Variants in KCNIP4 observed in about 807,000 individuals in gnomAD.
KCNIP4 encodes Kv channel-interacting protein 4.
KCNIP4 carries 12 observed loss-of-function variants against 34.0 expected under a neutral mutation model. The ratio of observed to expected loss-of-function variants is 0.35; its 90% confidence interval spans 0.23 to 0.57. KCNIP4 has a LOEUF of 0.57. KCNIP4 is among the 20% of genes least tolerant of loss of function. The pLI is 0.83. For missense variants in KCNIP4, 238 were observed against 311.7 expected, an observed-to-expected ratio of 0.76 and a Z score of 1.78; for synonymous variants, 124 against 102.2, an observed-to-expected ratio of 1.21 and a Z score of -1.29.
chr4:21,263,808 A>G (rs1761621990), intron 1 of KCNIP4, among the ~76,000 whole-genome samples: 1 of 152,092 alleles, frequency 6.6e-6, no homozygotes, highest in Non-Finnish European at 1.5e-5. Context: ...GGCATGCACC[A>G]CCATGCCTGA....
chr4:21,891,211 T>C (rs1372561586), intron 1 of KCNIP4, among the ~76,000 whole-genome samples: 5 of 152,088 alleles, frequency 3.3e-5, no homozygotes, highest in Admixed American at 2.0e-4. Context: ...AGACTCCCCA[T>C]AGGGTCTAAG....
In KCNIP4 at chr4:21,056,636, T is replaced by C. The variant is rs1280831332; in HGVS notation, c.62-173927A>G. On this transcript the variant is annotated intron_variant, in intron 1 of 8. Coordinates refer to ENST00000382152, the MANE Select transcript of KCNIP4 (RefSeq NM_025221.6). ...GATTAGACCACAGAGCAAGACTCTT[T>C]CCATGCTTTGTAACTCACCGTAAGT... is the stretch of plus-strand genomic sequence containing the variant. 2.8e-4 allele frequency among the ~76,000 whole-genome samples: 43 copies of C among 152,164 alleles called. 1 individual carries two copies. The highest frequency in any genetic ancestry group is 2.9e-5 in the Non-Finnish European group (2 of 68,020).
At chr4:21,043,340 G>A (rs894945896) in intron 1 of KCNIP4, among the ~76,000 whole-genome samples, 6 of 151,952 alleles carry the variant, frequency 3.9e-5, no homozygotes, top group Non-Finnish European at 8.8e-5. Flanking sequence ...CTGTTTGTTT[G>A]TTTGTTTGAG....
At chr4:21,140,310 G>A (rs959946561) in intron 1 of KCNIP4, among the ~76,000 whole-genome samples, 2 of 151,968 alleles carry the variant, frequency 1.3e-5, no homozygotes, top group Non-Finnish European at 2.9e-5. Context: ...AGAATATTGA[G>A]AAGAACAAAA....
intron 1 of KCNIP4, among the ~76,000 whole-genome samples, chr4:21,342,836 T>C (rs1005117965): frequency 7.9e-5 from 12 of 152,098 alleles, no homozygotes; most frequent in African/African-American, 2.9e-4. Context: ...AAGTCCTCCC[T>C]AAATGTCAAT....
intron 1 of KCNIP4, among the ~76,000 whole-genome samples, chr4:21,797,557 C>T (rs1720705746): frequency 6.6e-6 from 1 of 152,046 alleles, no homozygotes; most frequent in South Asian, 2.1e-4. Flanking sequence ...AAAAAGGTCT[C>T]AATTTTATTT....
chr4:20,955,141 G>T (rs1733163734), intron 1 of KCNIP4, among the ~76,000 whole-genome samples: 1 of 152,190 alleles, frequency 6.6e-6, no homozygotes, highest in South Asian at 2.1e-4. Context: ...CAGAGGTCTG[G>T]TGGCTGGGGG....
chr4:21,268,897 G>A (rs1343393013), intron 1 of KCNIP4, among the ~76,000 whole-genome samples: 3 of 152,234 alleles, frequency 2.0e-5, no homozygotes, highest in African/African-American at 2.4e-5. Context: ...AGGCTAAGGT[G>A]CATGTGGGGT....
rs1020209883 is a variant in KCNIP4 at position 21,810,711 on chromosome 4, A to G, written c.61+137860T>C. ...TCTCAAAAAAAAAAAAAAAAAAAAA[A>G]AAAATCAGAGAGAATTTTTCCTAGT... On this transcript the variant is annotated intron_variant, in intron 1 of 8. Coordinates refer to ENST00000382152, the MANE Select transcript of KCNIP4 (RefSeq NM_025221.6). Among the ~76,000 whole-genome samples, 7 of 121,554 alleles carry G rather than the reference A, an allele frequency of 5.8e-5. 1 individual carries two copies. The highest frequency in any genetic ancestry group is 1.9e-4 in the African/African-American group (7 of 35,980). 79.7% of individuals were successfully genotyped at this position (121,554 alleles called of 152,430 possible). A position where few individuals can be genotyped will look rare whatever the true frequency, so the allele number is the denominator to read the frequency against.
chr4:20,955,220 C>T (rs1214055490), intron 1 of KCNIP4, among the ~76,000 whole-genome samples: 6 of 152,092 alleles, frequency 3.9e-5, no homozygotes, highest in Non-Finnish European at 7.4e-5. Flanking sequence ...GCCACTTAAA[C>T]TGTGGTAATA....
intron 1 of KCNIP4, among the ~76,000 whole-genome samples, chr4:21,368,720 C>A (rs1720044340): frequency 6.8e-6 from 1 of 147,270 alleles, no homozygotes; most frequent in Non-Finnish European, 1.5e-5. Flanking sequence ...CAGAGGGGAG[C>A]CTCATATAGT....
intron 1 of KCNIP4, among the ~76,000 whole-genome samples, chr4:21,144,017 T>C (rs573411252): frequency 6.6e-6 from 1 of 152,284 alleles, no homozygotes; most frequent in South Asian, 2.1e-4. Flanking sequence ...CCAGAGTTCT[T>C]ATTCTGTGAA....
At chr4:21,124,695 C>T (rs1476458815) in intron 1 of KCNIP4, among the ~76,000 whole-genome samples, 1 of 152,128 alleles carries the variant, frequency 6.6e-6, no homozygotes, top group Non-Finnish European at 1.5e-5. Context: ...TAAAAAGGTA[C>T]AGACTCCTAG....
chr4:21,763,071 C>T (rs1268121260), intron 1 of KCNIP4: 10 of 1,288,648 alleles, frequency 7.8e-6, no homozygotes, highest in African/African-American at 3.0e-5. Flanking sequence ...GCCTAATTTC[C>T]TCGTCAGGAC....
intron 3 of KCNIP4, among the ~76,000 whole-genome samples, chr4:20,839,829 G>A (rs1719509163): frequency 6.6e-6 from 1 of 151,880 alleles, no homozygotes; most frequent in Non-Finnish European, 1.5e-5. Context: ...CTTGCCCAAG[G>A]GTAACCAGAA....
rs542521686 is a variant in KCNIP4, at chr4:21,710,366, T to C, written c.61+238205A>G. Among the ~76,000 whole-genome samples the C allele has an allele frequency of 8.9e-4, 135 of 152,274 alleles. 1 individual carries two copies. The highest frequency in any genetic ancestry group is 3.0e-3 in the African/African-American group (125 of 41,568). On this transcript the variant is annotated intron_variant, in intron 1 of 8. Transcript: ENST00000382152. ...AAGCGTGATTAAATATTCAGGACCC[T>C]GCCATCGTGGTGCATAGCAAAGTAA...
intron 1 of KCNIP4, among the ~76,000 whole-genome samples, chr4:20,919,026 C>A (rs544726621): frequency 7.2e-5 from 11 of 152,286 alleles, no homozygotes; most frequent in African/African-American, 2.2e-4. Flanking sequence ...AACCTATTTT[C>A]TTTTCTTGTT....
Position 21,115,555 on chromosome 4 carries a change from A to G in KCNIP4, c.62-232846T>C, listed in dbSNP as rs141985389. Among the ~76,000 whole-genome samples the G allele has an allele frequency of 3.3e-5, 5 of 152,304 alleles. No individual in the cohort carries two copies. The East Asian group carries it at 9.6e-4, about 29-fold the overall frequency. On this transcript the variant is annotated intron_variant, in intron 1 of 8. Coordinates refer to ENST00000382152, the MANE Select transcript of KCNIP4 (RefSeq NM_025221.6). ...GGATTAAATACAAATATATCTTTTTAATACTTATTAAAATGTTAGACAATT... is the reference window on the plus strand; with the variant it reads ...GGATTAAATACAAATATATCTTTTTGATACTTATTAAAATGTTAGACAATT...
At chr4:21,058,906 T>G (rs1183957164) in intron 1 of KCNIP4, among the ~76,000 whole-genome samples, 1 of 152,120 alleles carries the variant, frequency 6.6e-6, no homozygotes, top group Admixed American at 6.5e-5. Flanking sequence ...CATCTTGAAT[T>G]GTAGCTCCCA....
Sources: allele counts gnomAD v4.1 joint callset (sites outside exome capture counted in the v4.1 genomes callset), GRCh38; gene constraint gnomAD v4.1.1; transcripts MANE v1.5; gene names NCBI Gene and HGNC (gene_info 2026-07-23, HGNC 2026-07-21).